The following CXCL13 variants were observed in gnomAD, a reference collection of about 807,000 sequenced individuals.
The protein encoded by CXCL13 is C-X-C motif chemokine ligand 13.
Under a neutral mutation model 12.2 loss-of-function variants are expected in CXCL13, and 7 were observed. The observed-to-expected ratio is 0.57, with a 90% CI of 0.33 to 1.07. CXCL13 has a LOEUF of 1.07. Ranked by LOEUF, CXCL13 falls within the 50% of genes least tolerant of loss-of-function variation. CXCL13 has a pLI of 0.04. For synonymous variants in CXCL13, 47 were observed against 42.4 expected (o/e 1.11, Z -0.42); for missense variants, 113 against 127.4 (o/e 0.89, Z 0.55).
At chr4:77,581,667 C>A (rs1401012952) in intron 1 of CXCL13, among the ~76,000 whole-genome samples, 1 of 152,076 alleles carries the variant, frequency 6.6e-6, no homozygotes, top group Non-Finnish European at 1.5e-5. Context: ...GTGCCATGTA[C>A]CTTCTCTCTT....
At chr4:77,579,550 T>C (rs1382180648) in intron 1 of CXCL13, among the ~76,000 whole-genome samples, 1 of 152,320 alleles carries the variant, frequency 6.6e-6, no homozygotes, top group Non-Finnish European at 1.5e-5. Flanking sequence ...TAATCCCTAT[T>C]AGCTATGTGT....
At chr4:77,519,711 T>C (rs1015999426) in intron 1 of CXCL13, among the ~76,000 whole-genome samples, 1 of 152,234 alleles carries the variant, frequency 6.6e-6, no homozygotes, top group Admixed American at 6.5e-5. Flanking sequence ...AGAAGATCTT[T>C]AGTTTAATTA....
At chr4:77,610,558 AG>A in intron 2 of CXCL13, 55 bp from the exon 3 acceptor site, 1 of 1,284,816 alleles carries the variant, frequency 7.8e-7, no homozygotes, top group Admixed American at 1.8e-5. Flanking sequence ...CTTTATTAAA[AG>A]TATAGGATTG....
At chr4:77,517,718 G>T (rs1323607408) in intron 1 of CXCL13, among the ~76,000 whole-genome samples, 3 of 152,230 alleles carry the variant, frequency 2.0e-5, no homozygotes, top group South Asian at 4.1e-4. Flanking sequence ...TGTGAGATGG[G>T]TTTCCCGAAT....
chr4:77,610,681 G>C lies in CXCL13; in HGVS notation c.265G>C (p.Glu89Gln). ...PQAEWIQRMM[E>Q]VLRKRSSSTL... ...AGCTGAATGGATACAAAGAATGATG[G>C]AAGTATTGAGAAAGTAAGTTAGGCA... Residue 89 changes from glutamate (E) to glutamine (Q), a missense_variant, in exon 3 of 4, where the codon GAA becomes CAA. Transcript: ENST00000682537. 6.2e-7 allele frequency: 1 copy of C among 1,611,844 alleles called. No individual in the cohort carries two copies. Among genetic ancestry groups the C allele is most frequent in the East Asian group, 2.2e-5 (1 of 44,860 alleles).
intron 1 of CXCL13, among the ~76,000 whole-genome samples, chr4:77,538,094 G>T (rs1157584078): frequency 1.3e-5 from 2 of 152,180 alleles, no homozygotes; most frequent in African/African-American, 4.8e-5. Flanking sequence ...CAGTGGAATT[G>T]ATGGAACACC....
chr4:77,553,876 T>C (rs1386257068), intron 1 of CXCL13, among the ~76,000 whole-genome samples: 2 of 152,186 alleles, frequency 1.3e-5, no homozygotes, highest in Admixed American at 6.5e-5. Context: ...AAATATCTAG[T>C]GTACAATGTA....
At chr4:77,560,626 A>G (rs571188392) in intron 1 of CXCL13, among the ~76,000 whole-genome samples, 28 of 152,308 alleles carry the variant, frequency 1.8e-4, no homozygotes, top group Admixed American at 1.2e-3. Flanking sequence ...ATAGCCTCCC[A>G]GTGCCTAACA....
At chr4:77,573,892 G>A (rs1211700629) in intron 1 of CXCL13, among the ~76,000 whole-genome samples, 1 of 151,870 alleles carries the variant, frequency 6.6e-6, no homozygotes, top group Non-Finnish European at 1.5e-5. Flanking sequence ...GGGACATTAG[G>A]GGTGATTCTA....
intron 1 of CXCL13, among the ~76,000 whole-genome samples, chr4:77,530,340 C>T (rs182625885): frequency 1.5e-4 from 23 of 152,260 alleles, no homozygotes; most frequent in South Asian, 6.2e-4. Flanking sequence ...GGAATAGTTT[C>T]GGAAGGAATG....
At chr4:77,591,438 C>G (rs1385035363) in intron 1 of CXCL13, among the ~76,000 whole-genome samples, 3 of 150,388 alleles carry the variant, frequency 2.0e-5, no homozygotes, top group Non-Finnish European at 4.4e-5. Context: ...GTAGTCCCAG[C>G]TACTCGGGAG....
intron 1 of CXCL13, among the ~76,000 whole-genome samples, chr4:77,574,616 A>G (rs565329474): frequency 1.3e-5 from 2 of 152,054 alleles, no homozygotes; most frequent in East Asian, 3.9e-4. Flanking sequence ...GCTATTGGGC[A>G]CCTAAAAGAC....
At chr4:77,517,225 A>C (rs918510535) in intron 1 of CXCL13, among the ~76,000 whole-genome samples, 20 of 152,272 alleles carry the variant, frequency 1.3e-4, no homozygotes, top group African/African-American at 4.6e-4. Context: ...CTTTACTTCC[A>C]ACTATGTGGT....
intron 1 of CXCL13, among the ~76,000 whole-genome samples, chr4:77,524,484 C>T (rs979000407): frequency 6.6e-6 from 1 of 152,192 alleles, no homozygotes; most frequent in Admixed American, 6.5e-5. Flanking sequence ...AGTTCGATCT[C>T]AGGCTGTTGC....
At chr4:77,559,203 G>A (rs1313461766) in intron 1 of CXCL13, among the ~76,000 whole-genome samples, 1 of 152,178 alleles carries the variant, frequency 6.6e-6, no homozygotes, top group Non-Finnish European at 1.5e-5. Flanking sequence ...CTATCATATA[G>A]AAGGTTTATC....
At chr4:77,525,606 C>T (rs549194957) in intron 1 of CXCL13, among the ~76,000 whole-genome samples, 3 of 152,000 alleles carry the variant, frequency 2.0e-5, no homozygotes, top group East Asian at 3.9e-4. Context: ...ACATATGACA[C>T]AGTTGAGTCT....
chr4:77,528,272 A>G (rs1341521538), intron 1 of CXCL13, among the ~76,000 whole-genome samples: 4 of 152,226 alleles, frequency 2.6e-5, no homozygotes, highest in Non-Finnish European at 4.4e-5. Flanking sequence ...AGCATGATTT[A>G]TAACCCTTGG....
At position 77,611,470 on chromosome 4, in the gene CXCL13, G is replaced by A; in HGVS notation, c.*431G>A. 2.5e-6 allele frequency: 1 copy of A among 392,988 alleles called. No homozygotes were observed. The highest frequency in any genetic ancestry group is 4.5e-6 in the Non-Finnish European group (1 of 223,376). 24.3% of individuals were successfully genotyped at this position (392,988 alleles called of 1,614,324 possible). ...GAAAGACTCAAAAAGCTGCCTGGGAGGCAGATGGAACTTGAGCCTGTCAAG... is the reference window on the plus strand; with the variant it reads ...GAAAGACTCAAAAAGCTGCCTGGGAAGCAGATGGAACTTGAGCCTGTCAAG... On this transcript the variant is annotated 3_prime_UTR_variant, in exon 4 of 4. Transcript: ENST00000682537.
At chr4:77,589,373 G>A (rs1578067721) in intron 1 of CXCL13, among the ~76,000 whole-genome samples, 2 of 152,192 alleles carry the variant, frequency 1.3e-5, no homozygotes, top group Non-Finnish European at 2.9e-5. Context: ...GGTTATTAGA[G>A]CTACTGTCTC....
Sources: allele counts gnomAD v4.1 joint callset (sites outside exome capture counted in the v4.1 genomes callset), GRCh38; gene constraint gnomAD v4.1.1; transcripts MANE v1.5; gene names NCBI Gene and HGNC (gene_info 2026-07-23, HGNC 2026-07-21).